BAIAP2L1: variants seen among roughly 807,000 people sequenced by gnomAD.
BAIAP2L1 encodes BAR/IMD domain-containing adapter protein 2-like 1.
BAIAP2L1 carries 35 observed loss-of-function variants against 66.3 expected under a neutral mutation model. That is an observed-to-expected ratio of 0.53 (90% CI 0.40 to 0.70). The LOEUF (loss-of-function observed/expected upper bound fraction) is 0.70, where lower values mean the gene tolerates loss of function less well. Ranked by LOEUF, BAIAP2L1 falls within the 30% of genes least tolerant of loss-of-function variation. The pLI, the probability that BAIAP2L1 is intolerant of heterozygous loss-of-function variation, is 0.00. For synonymous variants in BAIAP2L1, 269 were observed against 248.7 expected, an observed-to-expected ratio of 1.08 and a Z score of -0.77; for missense variants, 622 against 656.9, an observed-to-expected ratio of 0.95 and a Z score of 0.58.
At chr7:98,391,461 C>T (rs1207985189) in intron 1 of BAIAP2L1, among the ~76,000 whole-genome samples, 6 of 152,000 alleles carry the variant, frequency 3.9e-5, no homozygotes, top group Non-Finnish European at 8.8e-5. Flanking sequence ...GTAATCCCAA[C>T]ACTTTTGGGA....
intron 1 of BAIAP2L1, among the ~76,000 whole-genome samples, chr7:98,368,971 C>T (rs537650475): frequency 6.6e-6 from 1 of 151,360 alleles, no homozygotes; most frequent in Admixed American, 6.6e-5. Context: ...TTTCGTATCT[C>T]TAGGATAACC....
chr7:98,347,931 C>T (rs1801910724), intron 3 of BAIAP2L1, among the ~76,000 whole-genome samples: 1 of 151,942 alleles, frequency 6.6e-6, no homozygotes, highest in African/African-American at 2.4e-5. Context: ...TAAGTAGGAG[C>T]TGAACAATGA....
chr7:98,367,518 G>A (rs946413677), intron 1 of BAIAP2L1, among the ~76,000 whole-genome samples: 49 of 142,276 alleles, frequency 3.4e-4, no homozygotes, highest in African/African-American at 1.1e-3. Context: ...TTATAGGCGC[G>A]CACCACCACA....
At chr7:98,317,147 C>T (rs1801099229) in intron 6 of BAIAP2L1, 72 bp downstream of exon 6, 14 of 1,597,402 alleles carry the variant, frequency 8.8e-6, no homozygotes, top group Non-Finnish European at 1.2e-5. Flanking sequence ...GCCACCGCAC[C>T]CGGCTAACCT....
At chr7:98,297,768 GCAGGCC>G (rs1351819029) in intron 12 of BAIAP2L1, among the ~76,000 whole-genome samples, 1 of 152,230 alleles carries the variant, frequency 6.6e-6, no homozygotes, top group Non-Finnish European at 1.5e-5. Flanking sequence ...GAAGATGCGT[GCAGGCC>G]TGCACCGGGG....
chr7:98,372,733 G>GTTTTTT (rs34330041), intron 1 of BAIAP2L1, among the ~76,000 whole-genome samples: 5 of 93,762 alleles, frequency 5.3e-5, no homozygotes, highest in South Asian at 4.0e-4. Flanking sequence ...ATCGATTTTG[G>GTTTTTT]TTTTTTTTTT....
Position 98,292,280 on chromosome 7 carries a change from C to A in BAIAP2L1, c.*1241G>T. 1 of 297,420 alleles carries A rather than the reference C, an allele frequency of 3.4e-6. No homozygotes were observed. Among genetic ancestry groups the A allele is most frequent in the South Asian group, 3.6e-5 (1 of 27,974 alleles). The allele number at this position is 297,420 out of a possible 1,614,324, so 18.4% of individuals were successfully genotyped here. ...GGTGAGCGGCCGGGCTGGAGTGCAG[C>A]AGCATGATCTGGCTCACTGCAACCT... On this transcript the variant is annotated 3_prime_UTR_variant, in exon 14 of 14. Coordinates refer to ENST00000005260, the MANE Select transcript of BAIAP2L1 (RefSeq NM_018842.5).
At position 98,393,935 on chromosome 7, in the gene BAIAP2L1, C is replaced by T. The variant is rs112328075; in HGVS notation, c.51+6867G>A. On this transcript the variant is annotated intron_variant, in intron 1 of 13. Transcript: ENST00000005260. ...CCTGAACAACATGGTGAAACCCCATCTCTACTAAAAATATAAAAATTAGGC... is the reference window on the plus strand; with the variant it reads ...CCTGAACAACATGGTGAAACCCCATTTCTACTAAAAATATAAAAATTAGGC... Among the ~76,000 whole-genome samples, 411 of 148,386 alleles carry T rather than the reference C, an allele frequency of 2.8e-3. 2 individuals are homozygous for T. The highest frequency in any genetic ancestry group is 9.7e-3 in the African/African-American group (390 of 40,252).
At chr7:98,363,038 T>C (rs1161345339) in intron 1 of BAIAP2L1, among the ~76,000 whole-genome samples, 27 of 142,962 alleles carry the variant, frequency 1.9e-4, no homozygotes, top group African/African-American at 5.4e-4. Context: ...TTTTTTTTTT[T>C]TTTTTTTTTT....
intron 1 of BAIAP2L1, among the ~76,000 whole-genome samples, chr7:98,395,363 T>G (rs1291519446): frequency 4.8e-5 from 7 of 147,288 alleles, no homozygotes; most frequent in Non-Finnish European, 8.9e-5. Context: ...CGCTTGAACC[T>G]GGGAGGTGGA....
chr7:98,364,193 G>C (rs1802338086), intron 1 of BAIAP2L1, among the ~76,000 whole-genome samples: 1 of 152,046 alleles, frequency 6.6e-6, no homozygotes, highest in African/African-American at 2.4e-5. Context: ...TTATGACTTT[G>C]CACTAAGGCT....
At chr7:98,374,137 T>TG (rs1483804711) in intron 1 of BAIAP2L1, among the ~76,000 whole-genome samples, 1 of 152,054 alleles carries the variant, frequency 6.6e-6, no homozygotes, top group African/African-American at 2.4e-5. Context: ...TTTGTAGAGA[T>TG]GGGGTCTTGC....
At chr7:98,325,652 C>T (rs942226572) in intron 3 of BAIAP2L1, among the ~76,000 whole-genome samples, 25 of 151,426 alleles carry the variant, frequency 1.7e-4, no homozygotes, top group Admixed American at 1.5e-3. Context: ...CACTCCAGCC[C>T]GGGTGACAGA....
chr7:98,315,614 TAAA>T lies in BAIAP2L1; in HGVS notation c.487-5_487-3del, dbSNP rs80039560. On this transcript the variant is annotated splice_polypyrimidine_tract_variant and splice_region_variant and intron_variant, in intron 6 of 13. Transcript: ENST00000005260. ...ACGAGAAGTAACGGTCTCCACATAC[TAAA>T]AAAAAAAAAATAATAATAATAATAA... The T allele has an allele frequency of 2.0e-3, 1,569 of 772,088 alleles. 32 individuals are homozygous for T. The highest frequency in any genetic ancestry group is 0.019 in the African/African-American group (997 of 51,186). 47.8% of individuals were successfully genotyped at this position (772,088 alleles called of 1,614,324 possible).
At chr7:98,321,162 G>A (rs977858482) in intron 3 of BAIAP2L1, among the ~76,000 whole-genome samples, 2 of 152,034 alleles carry the variant, frequency 1.3e-5, no homozygotes, top group Non-Finnish European at 2.9e-5. Context: ...CCTGGCCCAC[G>A]TGGCCCTTTC....
intron 3 of BAIAP2L1, among the ~76,000 whole-genome samples, chr7:98,339,399 A>G (rs1801687209): frequency 1.3e-5 from 2 of 152,090 alleles, no homozygotes; most frequent in Admixed American, 1.3e-4. Flanking sequence ...GCTTGTTGGC[A>G]CTCTTACTTT....
chr7:98,369,032 GA>G (rs1476041076), intron 1 of BAIAP2L1, among the ~76,000 whole-genome samples: 5 of 149,114 alleles, frequency 3.4e-5, no homozygotes, highest in Non-Finnish European at 5.9e-5. Flanking sequence ...AACTTTTTAA[GA>G]AACTGCCAAA....
chr7:98,322,377 G>C (rs1428358881), intron 3 of BAIAP2L1, among the ~76,000 whole-genome samples: 1 of 152,018 alleles, frequency 6.6e-6, no homozygotes, highest in Non-Finnish European at 1.5e-5. Context: ...CCTCATCCTC[G>C]ACATGTCTCA....
intron 1 of BAIAP2L1, among the ~76,000 whole-genome samples, chr7:98,393,129 A>ATGTACACACATATGTGTACATATATG (rs1248561453): frequency 2.7e-5 from 2 of 74,714 alleles, no homozygotes; most frequent in African/African-American, 9.7e-5. Context: ...ATATGTATAT[A>ATGTACACACATATGTGTACATATATG]TACACACATA....
Sources: allele counts gnomAD v4.1 joint callset (sites outside exome capture counted in the v4.1 genomes callset), GRCh38; gene constraint gnomAD v4.1.1; transcripts MANE v1.5; gene names NCBI Gene and HGNC (gene_info 2026-07-23, HGNC 2026-07-21).